Variants in TRIM5 observed in about 807,000 individuals in gnomAD.
The protein encoded by TRIM5 is tripartite motif containing 5, also known as tripartite motif-containing protein 5.
TRIM5 carries 31 observed loss-of-function variants against 35.6 expected under a neutral mutation model. The ratio of observed to expected loss-of-function variants is 0.87; its 90% CI spans 0.65 to 1.18. The LOEUF (loss-of-function observed/expected upper bound fraction) is 1.18. Ranked by LOEUF, TRIM5 falls within the 50% of genes most tolerant of loss-of-function variation. The probability of loss-of-function intolerance (pLI) is 0.00; values close to 1 mark genes in which losing one functional copy is unlikely to be tolerated. For missense variants in TRIM5, 609 were observed against 591.6 expected, an observed-to-expected ratio of 1.03 and a Z score of -0.31; for synonymous variants, 243 against 215.6, an observed-to-expected ratio of 1.13 and a Z score of -1.11.
At chr11:5,646,993 ACAT>A in the TRIM5 span, among the ~76,000 whole-genome samples, 8 of 152,238 alleles carry the variant, frequency 5.3e-5, no homozygotes, top group African/African-American at 1.9e-4. Context: ...ATGTGTGGAA[ACAT>A]CATTGCTATG....
chr11:5,643,870 C>A, the TRIM5 span: 1 of 910,392 alleles, frequency 1.1e-6, no homozygotes, highest in East Asian at 2.6e-5. Context: ...ATGAGAGATG[C>A]TTATTTATTC....
chr11:5,665,461 CTTGATAAAGACTTGAGAGAA>C, intron 7 of TRIM5, 66 bp from the exon 8 acceptor site: 5 of 1,543,680 alleles, frequency 3.2e-6, no homozygotes, highest in Non-Finnish European at 4.3e-6. Context: ...TGAGAGAAAT[CTTGATAAAGACTTGAGAGAA>C]AACTGGGAGG....
chr11:5,681,945 C>A (rs60210271), intron 1 of TRIM5, among the ~76,000 whole-genome samples: 1 of 151,598 alleles, frequency 6.6e-6, no homozygotes, highest in East Asian at 2.0e-4. Flanking sequence ...ACCACAGGCA[C>A]GCACCACCAC....
the TRIM5 span, among the ~76,000 whole-genome samples, chr11:5,599,513 C>G: frequency 3.9e-5 from 6 of 152,102 alleles, no homozygotes; most frequent in Non-Finnish European, 8.8e-5. Flanking sequence ...ACGCCATTCT[C>G]CTGCCTCAGC....
At chr11:5,634,510 C>T in the TRIM5 span, 5 of 493,210 alleles carry the variant, frequency 1.0e-5, no homozygotes, top group African/African-American at 2.2e-5. Context: ...CACACACACA[C>T]ACACACACAC....
chr11:5,666,020 G>T lies in TRIM5; in HGVS notation c.829C>A (p.Arg277=), dbSNP rs139856503. The change falls in exon 6 of 8, where the codon CGA becomes AGA. Residue 277 remains arginine, a synonymous_variant. Coordinates refer to ENST00000380034, the MANE Select transcript of TRIM5 (RefSeq NM_033034.3). ...TFPKNQRRVF[R]APDLKGMLEV... is the part of the protein sequence containing the mutation. ...AGCATTCCTTTCAGATCAGGAGCTC[G>T]AAACACTCTCCTTTGATTTTTTGGA... is the stretch of plus-strand genomic sequence containing the variant. The T allele has an allele frequency of 1.9e-6, 3 of 1,611,508 alleles. No individual in the cohort carries two copies. The highest frequency in any genetic ancestry group is 2.5e-6 in the Non-Finnish European group (3 of 1,179,500).
the TRIM5 span, among the ~76,000 whole-genome samples, chr11:5,645,324 G>A: frequency 2.0e-5 from 3 of 151,032 alleles, no homozygotes; most frequent in Non-Finnish European, 2.9e-5. Flanking sequence ...CCTGGGAGGC[G>A]GAGGTTGCAG....
At chr11:5,663,106 CAG>C (rs954366540), downstream of TRIM5, 3 of 520,426 alleles carry the variant, frequency 5.8e-6, no homozygotes, top group African/African-American at 2.1e-5. Flanking sequence ...GCTTGGGTGA[CAG>C]AGACAAACCC....
the TRIM5 span, among the ~76,000 whole-genome samples, chr11:5,638,766 T>C: frequency 6.6e-6 from 1 of 152,232 alleles, no homozygotes; most frequent in Non-Finnish European, 1.5e-5. Flanking sequence ...TGTAGTATTG[T>C]ACCTGTACAG....
At chr11:5,603,501 C>A in the TRIM5 span, 4 of 1,613,968 alleles carry the variant, frequency 2.5e-6, no homozygotes, top group Non-Finnish European at 3.4e-6. Flanking sequence ...AGACCAGCTA[C>A]CAGCCAGGGA....
chr11:5,670,313 G>A lies in TRIM5; in HGVS notation c.745-2602C>T, dbSNP rs546468097. Among the ~76,000 whole-genome samples, 5 of 150,592 alleles carry A rather than the reference G, an allele frequency of 3.3e-5. No individual in the cohort carries two copies. The South Asian group carries it at 8.6e-4, about 26-fold the overall frequency. On this transcript the variant is annotated intron_variant, in intron 4 of 7. Coordinates refer to ENST00000380034, the MANE Select transcript of TRIM5 (RefSeq NM_033034.3). ...CTGTTTCAGCCTCCCGAGTAGCTGG[G>A]ACTACAGGCTCCCACCACCACACCC...
At chr11:5,681,382 T>C (rs1481244042) in intron 1 of TRIM5, among the ~76,000 whole-genome samples, 4 of 152,230 alleles carry the variant, frequency 2.6e-5, no homozygotes, top group African/African-American at 7.2e-5. Flanking sequence ...CCAGAGCTTA[T>C]ATACCTTCTA....
downstream of TRIM5, among the ~76,000 whole-genome samples, chr11:5,659,481 G>C (rs1425472585): frequency 6.6e-6 from 1 of 152,158 alleles, no homozygotes; most frequent in Non-Finnish European, 1.5e-5. Context: ...TAGAGCTTAG[G>C]TATAAGATAA....
the TRIM5 span, among the ~76,000 whole-genome samples, chr11:5,644,743 G>C: frequency 6.6e-6 from 1 of 152,074 alleles, no homozygotes; most frequent in East Asian, 1.9e-4. Context: ...ATTCCCAGTA[G>C]ACAATACAAT....
the TRIM5 span, chr11:5,596,785 A>C: frequency 1.3e-6 from 2 of 1,551,756 alleles, no homozygotes; most frequent in Non-Finnish European, 1.8e-6. Flanking sequence ...ATAAAAGCCG[A>C]GTGAGCGCGC....
chr11:5,648,150 C>T, the TRIM5 span, among the ~76,000 whole-genome samples: 12 of 152,276 alleles, frequency 7.9e-5, no homozygotes, highest in South Asian at 6.2e-4. Context: ...TGTTCTCCCA[C>T]ATATATCACT....
chr11:5,639,507 C>T, the TRIM5 span, among the ~76,000 whole-genome samples: 5 of 151,458 alleles, frequency 3.3e-5, no homozygotes, highest in African/African-American at 9.7e-5. Context: ...AGTGAAACCC[C>T]GTCTCTACTA....
chr11:5,665,100 G>A lies in TRIM5; in HGVS notation c.1191C>T (p.Tyr397=), dbSNP rs56397848. 6.0e-5 allele frequency: 97 copies of A among 1,613,938 alleles called. No individual in the cohort carries two copies. Among genetic ancestry groups the A allele is most frequent in the Middle Eastern group, 1.6e-4 (1 of 6,084 alleles). The change falls in exon 8 of 8, where the codon TAC becomes TAT. Residue 397 remains tyrosine, a synonymous_variant. Transcript: ENST00000380034. ...CCTCTAACCCTATAACCCAGTAGCC[G>A]TATTTAGGTTGATAATTTTCATTTT... is the stretch of plus-strand genomic sequence containing the variant. The part of the protein sequence containing the change: ...IEKNENYQPK[Y]GYWVIGLEEG...
chr11:5,621,148 G>C, the TRIM5 span, among the ~76,000 whole-genome samples: 1 of 152,166 alleles, frequency 6.6e-6, no homozygotes, highest in Admixed American at 6.5e-5. Flanking sequence ...CTGCATCCCA[G>C]TCACCCCTTT....
Sources: gnomAD v4.1 joint callset for allele counts (sites outside exome capture counted in the v4.1 genomes callset) on GRCh38, gnomAD v4.1.1 for gene constraint, MANE v1.5 for transcripts, NCBI Gene and HGNC (gene_info 2026-07-23, HGNC 2026-07-21) for gene names.